The following SLC25A29 variants were observed in gnomAD, a reference collection of about 807,000 sequenced individuals.
SLC25A29 encodes solute carrier family 25 member 29, also known as mitochondrial basic amino acids transporter.
In SLC25A29, 13 loss-of-function variants were observed where a neutral mutation model predicts 10.0. The observed-to-expected ratio is 1.30, with a 90% confidence interval of 0.85 to 2.07. The LOEUF is 2.07. SLC25A29 is among the 30% of genes most tolerant of loss of function. SLC25A29 has a pLI of 0.00. For synonymous variants in SLC25A29, 244 were observed against 221.1 expected, an observed-to-expected ratio of 1.10 and a Z score of -0.92; for missense variants, 475 against 447.6, an observed-to-expected ratio of 1.06 and a Z score of -0.55.
chr14:100,281,551 T>G, the SLC25A29 span: 2 of 152,346 alleles, frequency 1.3e-5, no homozygotes, highest in East Asian at 3.9e-4. Flanking sequence ...CCCGAACTTT[T>G]AACCCAAGCG....
intron 2 of SLC25A29, among the ~76,000 whole-genome samples, chr14:100,296,905 T>C (rs1455824174): frequency 6.6e-6 from 1 of 152,164 alleles, no homozygotes; most frequent in Non-Finnish European, 1.5e-5. Context: ...CCAGGATGTG[T>C]GCACTTTCTA....
At chr14:100,287,635 C>CG (rs1384166814), downstream of SLC25A29, among the ~76,000 whole-genome samples, 13 of 111,436 alleles carry the variant, frequency 1.2e-4, 2 homozygotes, top group Admixed American at 8.2e-4. Context: ...ACCACCCCCC[C>CG]CCTCCGAATT....
chr14:100,292,397 GA>G lies in SLC25A29; in HGVS notation c.797del (p.Phe266SerfsTer81). Reference sequence around the variant, plus strand: ...AGGTGAGCACCACCGTGACGGTGGCGAAGGTGGCAGCGTTGACGGGGAAGGC... The same window carrying G: ...AGGTGAGCACCACCGTGACGGTGGCGAGGTGGCAGCGTTGACGGGGAAGGC... ...LRAFPVNAAT[F>X]ATVTVVLTYA... On this transcript the variant is annotated frameshift_variant, in exon 4 of 4. Coordinates refer to ENST00000359232, the MANE Select transcript of SLC25A29 (RefSeq NM_001039355.3). LOFTEE classifies it low-confidence loss of function (END_TRUNC). The G allele has an allele frequency of 6.4e-7, 1 of 1,570,028 alleles. No homozygotes were observed. Among genetic ancestry groups the G allele is most frequent in the Admixed American group, 1.9e-5 (1 of 53,824 alleles).
At chr14:100,295,508 C>A in intron 2 of SLC25A29, 1 of 1,166,538 alleles carries the variant, frequency 8.6e-7, no homozygotes, top group Non-Finnish European at 1.1e-6. Context: ...CTGTGCTGAG[C>A]CCAAGCTTGC....
chr14:100,299,242 C>T, intron 1 of SLC25A29: 1 of 1,109,642 alleles, frequency 9.0e-7, no homozygotes, highest in Non-Finnish European at 1.1e-6. Context: ...AATCCAAACA[C>T]CTGACATGGG....
In SLC25A29 at chr14:100,292,946, GGTGTT is replaced by G. The variant is rs1566796029; in HGVS notation, c.244_248del (p.Asn82ProfsTer78). The G allele has an allele frequency of 4.4e-6, 7 of 1,606,446 alleles. No homozygotes were observed. Among genetic ancestry groups the G allele is most frequent in the Non-Finnish European group, 5.9e-6 (7 of 1,177,304 alleles). On this transcript the variant is annotated frameshift_variant, in exon 4 of 4. Coordinates refer to ENST00000359232, the MANE Select transcript of SLC25A29 (RefSeq NM_001039355.3). LOFTEE classifies it low-confidence loss of function (END_TRUNC). ...GCGAGTCGTGGCCCAGGGCCCGGAG[GGTGTT>G]GCCCTGCACCCCGAACACCAGCGCG...
downstream of SLC25A29, among the ~76,000 whole-genome samples, chr14:100,286,489 T>A: frequency 9.5e-6 from 1 of 105,048 alleles, no homozygotes. Context: ...GGGTGTTGCT[T>A]GCAGAGGGGC....
intron 2 of SLC25A29, 23 bp from the exon 3 acceptor site, chr14:100,293,400 G>T (rs201715026): frequency 3.3e-4 from 528 of 1,608,096 alleles, no homozygotes; most frequent in Non-Finnish European, 4.2e-4. Flanking sequence ...GGTCCAGTGA[G>T]AGGCAGGCAG....
chr14:100,282,904 C>G, the SLC25A29 span: 1 of 152,218 alleles, frequency 6.6e-6, no homozygotes, highest in Non-Finnish European at 1.5e-5. Context: ...CTAAACTGCC[C>G]GGGGCAGTTC....
chr14:100,301,993 C>T (rs1006004053), intron 1 of SLC25A29, among the ~76,000 whole-genome samples: 5 of 152,074 alleles, frequency 3.3e-5, no homozygotes, highest in South Asian at 2.1e-4. Context: ...CACAACGATG[C>T]CCTCTCCTTC....
chr14:100,303,307 G>A (rs951461916), intron 1 of SLC25A29, among the ~76,000 whole-genome samples: 2 of 152,202 alleles, frequency 1.3e-5, no homozygotes, highest in African/African-American at 4.8e-5. Context: ...GGGGCCCCTC[G>A]AGGCCCCTCC....
intron 1 of SLC25A29, chr14:100,305,695 G>A (rs1299956331): frequency 2.0e-5 from 3 of 152,308 alleles, no homozygotes; most frequent in African/African-American, 7.3e-5. Context: ...TCCAAGGCGT[G>A]ACTCGGCGCC....
At chr14:100,299,962 C>T in intron 1 of SLC25A29, 2 of 985,414 alleles carry the variant, frequency 2.0e-6, no homozygotes, top group Non-Finnish European at 2.4e-6. Flanking sequence ...ACCTAACATC[C>T]TATCCATCCT....
the SLC25A29 span, among the ~76,000 whole-genome samples, chr14:100,284,489 C>T: frequency 0.24 from 36,038 of 152,082 alleles, 5,157 homozygotes; most frequent in South Asian, 0.41. Context: ...CTACTTCCTA[C>T]CGAAAAATCC....
the SLC25A29 span, chr14:100,282,124 G>A: frequency 6.6e-6 from 1 of 152,248 alleles, no homozygotes; most frequent in Non-Finnish European, 1.5e-5. Context: ...GACACATGGA[G>A]AGCTTCGTCC....
intron 2 of SLC25A29, chr14:100,296,053 C>T (rs897766650): frequency 1.8e-5 from 23 of 1,272,022 alleles, no homozygotes; most frequent in African/African-American, 9.2e-5. Flanking sequence ...TGTGACAGTA[C>T]GGACTGACAC....
At chr14:100,287,405 C>T (rs11848624), downstream of SLC25A29, among the ~76,000 whole-genome samples, 5,854 of 152,340 alleles carry the variant, frequency 0.038, 139 homozygotes, top group African/African-American at 0.061. Flanking sequence ...TTAAGCCTCC[C>T]TCCCCCTTTC....
intron 1 of SLC25A29, chr14:100,299,341 CA>C (rs780259786): frequency 1.3e-4 from 131 of 1,021,194 alleles, no homozygotes; most frequent in Non-Finnish European, 1.5e-4. Context: ...GGCGTGCTCA[CA>C]AATGACTCTG....
chr14:100,293,061 G>C (rs540311353), intron 3 of SLC25A29, 29 bp from the exon 4 acceptor site: 18 of 1,500,310 alleles, frequency 1.2e-5, no homozygotes, highest in Non-Finnish European at 1.6e-5. Context: ...CATCAGAGCC[G>C]GCAACGCGCA....
Sources: gnomAD v4.1 joint callset for allele counts (sites outside exome capture counted in the v4.1 genomes callset) on GRCh38, gnomAD v4.1.1 for gene constraint, MANE v1.5 for transcripts, NCBI Gene and HGNC (gene_info 2026-07-23, HGNC 2026-07-21) for gene names.